LRFN2: variants seen among roughly 807,000 people sequenced by gnomAD.
LRFN2 encodes leucine rich repeat and fibronectin type III domain containing 2.
Under a neutral mutation model 37.3 loss-of-function variants are expected in LRFN2, and 18 were observed. The ratio of observed to expected loss-of-function variants is 0.48; its 90% CI spans 0.33 to 0.72. The LOEUF is 0.72. LRFN2 is among the 30% of genes least tolerant of loss of function. The pLI is 0.02. For synonymous variants in LRFN2, 556 were observed against 466.6 expected, an observed-to-expected ratio of 1.19 and a Z score of -2.47; for missense variants, 1,006 against 1,060.7, an observed-to-expected ratio of 0.95 and a Z score of 0.72.
At chr6:40,497,819 G>A (rs550112856) in intron 1 of LRFN2, among the ~76,000 whole-genome samples, 1 of 152,250 alleles carries the variant, frequency 6.6e-6, no homozygotes, top group African/African-American at 2.4e-5. Context: ...CAGGAAGCAA[G>A]GATGATCAAA....
rs750495284 is a variant in LRFN2 at position 40,392,815 on chromosome 6, T to A, written c.1498A>T (p.Thr500Ser). 1.4e-5 allele frequency: 23 copies of A among 1,614,010 alleles called. No individual in the cohort carries two copies. Among genetic ancestry groups the A allele is most frequent in the Non-Finnish European group, 1.9e-5 (23 of 1,179,980 alleles). ...CVLAMWDDTATTLTATNIVGC... is the reference protein window; with the variant it reads ...CVLAMWDDTASTLTATNIVGC... ...ACGATGTTGGTGGCCGTGAGTGTCG[T>A]GGCTGTGTCATCCCACATGGCCAGC... Residue 500 changes from threonine (T) to serine (S), a missense_variant, in exon 3 of 3, where the codon ACG becomes TCG. Physicochemically the swap from Thr to Ser is moderately conservative, Grantham distance 58. This residue lies in a region of LRFN2 where 120 missense variants were observed against 178.4 expected (regional missense o/e 0.67). Coordinates refer to ENST00000338305, the MANE Select transcript of LRFN2 (RefSeq NM_020737.3). This position sits in a 1 kb window ranked among gnomAD's most constrained non-coding sequence, Gnocchi z 4.7.
intron 1 of LRFN2, among the ~76,000 whole-genome samples, chr6:40,569,164 G>T (rs1767143356): frequency 6.6e-6 from 1 of 152,224 alleles, no homozygotes; most frequent in African/African-American, 2.4e-5. Context: ...GAGCTGGGAG[G>T]CAGGAAGCAT....
chr6:40,536,593 G>C (rs1766453130), intron 1 of LRFN2, among the ~76,000 whole-genome samples: 1 of 152,186 alleles, frequency 6.6e-6, no homozygotes, highest in Non-Finnish European at 1.5e-5. Flanking sequence ...TGAGGAGCCT[G>C]TTTTGGACCA....
At chr6:40,490,459 G>A (rs377338897) in intron 1 of LRFN2, among the ~76,000 whole-genome samples, 78 of 152,230 alleles carry the variant, frequency 5.1e-4, no homozygotes, top group African/African-American at 1.6e-3. Context: ...GAGCCCTGTG[G>A]CCCCCAGAGC....
chr6:40,520,153 C>A (rs538996388), intron 1 of LRFN2, among the ~76,000 whole-genome samples: 1 of 152,230 alleles, frequency 6.6e-6, no homozygotes, highest in Non-Finnish European at 1.5e-5. Context: ...AGTGATGAGA[C>A]TCAGCTTTGG....
At chr6:40,461,187 G>T (rs1045282111) in intron 1 of LRFN2, among the ~76,000 whole-genome samples, 6 of 152,100 alleles carry the variant, frequency 3.9e-5, no homozygotes, top group African/African-American at 1.4e-4. Flanking sequence ...TGGGAAGATG[G>T]CTTGAGGCCA....
At chr6:40,471,869 A>T (rs777631661) in intron 1 of LRFN2, among the ~76,000 whole-genome samples, 13 of 152,080 alleles carry the variant, frequency 8.5e-5, no homozygotes, top group Non-Finnish European at 1.6e-4. Context: ...GGACCCCAAC[A>T]CTGCAAAGCA....
intron 2 of LRFN2, among the ~76,000 whole-genome samples, chr6:40,418,865 G>A (rs1158589625): frequency 1.3e-5 from 2 of 152,190 alleles, no homozygotes; most frequent in African/African-American, 4.8e-5. Flanking sequence ...GCTACTTTGT[G>A]TGACATTCAA....
intron 1 of LRFN2, among the ~76,000 whole-genome samples, chr6:40,451,617 C>A (rs575037281): frequency 1.3e-5 from 2 of 152,196 alleles, no homozygotes; most frequent in Admixed American, 1.3e-4. Context: ...GGAGAGCAGA[C>A]ATTTCATTAC....
chr6:40,483,402 A>G (rs1160815358), intron 1 of LRFN2, among the ~76,000 whole-genome samples: 1 of 152,084 alleles, frequency 6.6e-6, no homozygotes, highest in East Asian at 1.9e-4. Context: ...CTTGGGGTTC[A>G]CCCGTGCTTC....
At chr6:40,571,517 G>A (rs1767186019) in intron 1 of LRFN2, among the ~76,000 whole-genome samples, 1 of 152,186 alleles carries the variant, frequency 6.6e-6, no homozygotes, top group Admixed American at 6.5e-5. Context: ...ATAAGGCAGG[G>A]CAATGGGGAG....
At chr6:40,571,863 G>T (rs1407464007) in intron 1 of LRFN2, among the ~76,000 whole-genome samples, 1 of 152,202 alleles carries the variant, frequency 6.6e-6, no homozygotes, top group East Asian at 1.9e-4. Context: ...TCCCAGCCTG[G>T]TGCTGTCTCC....
intron 1 of LRFN2, among the ~76,000 whole-genome samples, chr6:40,477,361 A>C (rs1014712633): frequency 2.0e-5 from 3 of 152,022 alleles, no homozygotes; most frequent in Non-Finnish European, 4.4e-5. Flanking sequence ...GCTGATGGGG[A>C]TCTCAAGGGA....
chr6:40,396,577 G>T (rs1015311158), intron 2 of LRFN2, among the ~76,000 whole-genome samples: 1 of 152,182 alleles, frequency 6.6e-6, no homozygotes, highest in African/African-American at 2.4e-5. Context: ...GAAAGGTCAG[G>T]TCTGGAACAG....
intron 1 of LRFN2, among the ~76,000 whole-genome samples, chr6:40,549,664 G>C (rs990618521): frequency 1.3e-5 from 2 of 152,198 alleles, no homozygotes; most frequent in South Asian, 2.1e-4. Flanking sequence ...AGCAAAGATA[G>C]GTGGTGGGAA....
intron 1 of LRFN2, among the ~76,000 whole-genome samples, chr6:40,487,068 T>C (rs1052556819): frequency 7.2e-5 from 11 of 152,070 alleles, no homozygotes; most frequent in Non-Finnish European, 1.6e-4. Flanking sequence ...ATTCAATCTG[T>C]GTTCTTTCTA....
At position 40,436,676 on chromosome 6, in the gene LRFN2, G is replaced by A. The variant is rs577606958; in HGVS notation, c.-18-3545C>T. On this transcript the variant is annotated intron_variant, in intron 1 of 2. Coordinates refer to ENST00000338305, the MANE Select transcript of LRFN2 (RefSeq NM_020737.3). Reference sequence around the variant, plus strand: ...TTACCCAGGCCCCACCAGGTCACAGGTGTTGATACATGGAAGCTTTCCACC... The same window carrying A: ...TTACCCAGGCCCCACCAGGTCACAGATGTTGATACATGGAAGCTTTCCACC... Among the ~76,000 whole-genome samples, 6 of 152,294 alleles carry A rather than the reference G, an allele frequency of 3.9e-5. No homozygotes were observed. The South Asian group carries it at 6.2e-4, about 16-fold the overall frequency.
chr6:40,574,293 C>T (rs140016074), intron 1 of LRFN2, among the ~76,000 whole-genome samples: 11 of 152,236 alleles, frequency 7.2e-5, no homozygotes, highest in Admixed American at 5.2e-4. Context: ...CTCCATTTTA[C>T]AGAAGGGGAA....
rs1762522942 is a variant in LRFN2 at position 40,392,279 on chromosome 6, A to T, written c.2034T>A (p.Thr678=). The T allele has an allele frequency of 6.2e-7, 1 of 1,603,098 alleles. No individual in the cohort carries two copies. Among genetic ancestry groups the T allele is most frequent in the African/African-American group, 1.3e-5 (1 of 74,774 alleles). The change falls in exon 3 of 3, where the codon ACT becomes ACA. Residue 678 remains threonine (T), a synonymous_variant. Transcript: ENST00000338305. The surrounding 1 kb of genome is among the most constrained non-coding windows in gnomAD (Gnocchi z 4.7). The part of the protein sequence containing the change: ...QRKEELLDSR[T]PAGRGAGTSA... ...ACGTCCCAGCCCCTCTCCCGGCTGG[A>T]GTCCTGGAGTCCAGCAGCTCCTCCT...
Sources: gnomAD v4.1 joint callset for allele counts (sites outside exome capture counted in the v4.1 genomes callset) on GRCh38, gnomAD v4.1.1 for gene constraint, gnomAD v4.1.1 regional missense constraint, Gnocchi (gnomAD v3.1) non-coding constraint, MANE v1.5 for transcripts, NCBI Gene and HGNC (gene_info 2026-07-23, HGNC 2026-07-21) for gene names.